Variants in SNX29 observed in about 807,000 individuals in gnomAD.
SNX29 encodes the protein sorting nexin 29, also known as sorting nexin-29.
Under a neutral mutation model 102.1 loss-of-function variants are expected in SNX29, and 78 were observed. The observed-to-expected ratio is 0.76, with a 90% CI of 0.64 to 0.92. The LOEUF (loss-of-function observed/expected upper bound fraction) is 0.92, where lower values mean the gene tolerates loss of function less well. Among genes scored for constraint, SNX29 ranks in the 40% least tolerant of loss-of-function variants. The pLI is 0.00. For synonymous variants in SNX29, 580 were observed against 414.5 expected, an observed-to-expected ratio of 1.40 and a Z score of -4.85; for missense variants, 1,280 against 1,061.7, an observed-to-expected ratio of 1.21 and a Z score of -2.86.
intron 8 of SNX29, chr16:12,053,124 C>T (rs764888007): frequency 1.3e-5 from 2 of 151,958 alleles, no homozygotes; most frequent in Non-Finnish European, 2.9e-5. Context: ...AACCCCTTCT[C>T]TACGTATAAA....
chr16:12,447,811 A>G (rs919402712), intron 18 of SNX29, among the ~76,000 whole-genome samples: 6 of 152,148 alleles, frequency 3.9e-5, no homozygotes, highest in Non-Finnish European at 8.8e-5. Flanking sequence ...GAACAGCCCC[A>G]CCACTCAGAG....
chr16:11,979,396 T>C (rs1402092165), intron 1 of SNX29, among the ~76,000 whole-genome samples: 1 of 151,892 alleles, frequency 6.6e-6, no homozygotes, highest in Non-Finnish European at 1.5e-5. Context: ...ACATTGTAAT[T>C]GAGGCAGAAA....
At chr16:12,247,375 T>C (rs1362652432) in intron 14 of SNX29, among the ~76,000 whole-genome samples, 1 of 152,240 alleles carries the variant, frequency 6.6e-6, no homozygotes, top group Non-Finnish European at 1.5e-5. Flanking sequence ...CCTTTCTTCC[T>C]TTACTTAATT....
chr16:12,553,203 C>T (rs1259190609), intron 20 of SNX29, among the ~76,000 whole-genome samples: 2 of 152,096 alleles, frequency 1.3e-5, no homozygotes, highest in Non-Finnish European at 2.9e-5. Flanking sequence ...CAGTTATTTC[C>T]AGTAGCCATG....
At chr16:12,104,472 C>G (rs1175436480) in intron 11 of SNX29, among the ~76,000 whole-genome samples, 2 of 152,098 alleles carry the variant, frequency 1.3e-5, no homozygotes, top group Non-Finnish European at 2.9e-5. Context: ...AGGAGAATCT[C>G]TTGAACCCGG....
At chr16:12,477,603 G>A (rs976474367) in intron 18 of SNX29, 116 bp from the exon 19 acceptor site, 36 of 1,220,370 alleles carry the variant, frequency 2.9e-5, no homozygotes, top group Admixed American at 9.6e-5. Flanking sequence ...ATCCAGTGGT[G>A]TGTGACACAG....
At chr16:12,211,352 A>G (rs1318149007) in intron 14 of SNX29, among the ~76,000 whole-genome samples, 2 of 152,230 alleles carry the variant, frequency 1.3e-5, no homozygotes, top group South Asian at 2.1e-4. Flanking sequence ...CCTGGCTGAC[A>G]GATAACAGAA....
chr16:11,998,574 G>C, intron 1 of SNX29, among the ~76,000 whole-genome samples: 1 of 152,110 alleles, frequency 6.6e-6, no homozygotes, highest in East Asian at 1.9e-4. Context: ...TTTCTCTCAG[G>C]CTCATGACTT....
chr16:12,247,862 A>G (rs1373240463), intron 14 of SNX29, among the ~76,000 whole-genome samples: 2 of 152,226 alleles, frequency 1.3e-5, no homozygotes, highest in African/African-American at 2.4e-5. Flanking sequence ...GCAGTTGTAC[A>G]AGAGTGACAG....
intron 16 of SNX29, among the ~76,000 whole-genome samples, chr16:12,397,553 C>T (rs1428776649): frequency 2.6e-5 from 4 of 152,198 alleles, no homozygotes; most frequent in Non-Finnish European, 5.9e-5. Context: ...CACTACCCCT[C>T]ACCCTTCTCT....
intron 20 of SNX29, among the ~76,000 whole-genome samples, chr16:12,551,206 A>G (rs2077955505): frequency 6.6e-6 from 1 of 150,968 alleles, no homozygotes; most frequent in Non-Finnish European, 1.5e-5. Context: ...CTTTAGGAAC[A>G]CACTGCACTC....
rs143056102 is a variant in SNX29 at position 12,139,087 on chromosome 16, A to G, written c.1595+9329A>G. 1.2e-3 allele frequency among the ~76,000 whole-genome samples: 177 copies of G among 151,394 alleles called. 2 individuals are homozygous for G. The Middle Eastern group carries it at 0.014, about 12-fold the overall frequency. On this transcript the variant is annotated intron_variant, in intron 13 of 20. Coordinates refer to ENST00000566228, the MANE Select transcript of SNX29 (RefSeq NM_032167.5). ...TGTTGTGGTGTGTACCTGTAATCCCAGCTACTCCAGAAGAATAAGAGAATC... is the reference window on the plus strand; with the variant it reads ...TGTTGTGGTGTGTACCTGTAATCCCGGCTACTCCAGAAGAATAAGAGAATC...
intron 8 of SNX29, among the ~76,000 whole-genome samples, chr16:12,055,079 A>G (rs1596713887): frequency 1.3e-5 from 2 of 152,190 alleles, no homozygotes; most frequent in Non-Finnish European, 2.9e-5. Context: ...AGGGCTTTCT[A>G]GAGAAACAGA....
intron 19 of SNX29, among the ~76,000 whole-genome samples, chr16:12,518,714 A>C (rs997226148): frequency 2.0e-5 from 3 of 152,098 alleles, no homozygotes; most frequent in African/African-American, 4.8e-5. Flanking sequence ...GATCATCAGC[A>C]CCTGTCACAG....
intron 13 of SNX29, among the ~76,000 whole-genome samples, chr16:12,164,400 A>G (rs1334259184): frequency 6.6e-6 from 1 of 152,208 alleles, no homozygotes; most frequent in African/African-American, 2.4e-5. Flanking sequence ...AAGGATTTAT[A>G]AGATGTACTT....
intron 20 of SNX29, among the ~76,000 whole-genome samples, chr16:12,551,260 G>A (rs970504344): frequency 6.6e-6 from 1 of 152,130 alleles, no homozygotes; most frequent in Non-Finnish European, 1.5e-5. Context: ...CACTGCTCCG[G>A]AGGTTCAGAC....
intron 14 of SNX29, among the ~76,000 whole-genome samples, chr16:12,240,343 ACC>A: frequency 6.6e-6 from 1 of 152,146 alleles, no homozygotes; most frequent in African/African-American, 2.4e-5. Context: ...GTCAGGCCTC[ACC>A]CTCCTTGGTA....
intron 13 of SNX29, among the ~76,000 whole-genome samples, chr16:12,138,712 T>C (rs2054754007): frequency 6.6e-6 from 1 of 152,254 alleles, no homozygotes; most frequent in Admixed American, 6.5e-5. Context: ...AGCCTGTGTT[T>C]ATGGATGAGA....
chr16:12,303,894 G>A (rs925979959), intron 15 of SNX29, among the ~76,000 whole-genome samples: 1 of 152,086 alleles, frequency 6.6e-6, no homozygotes, highest in Non-Finnish European at 1.5e-5. Context: ...ACAGTACTTA[G>A]CTGTACTCTC....
Sources: gnomAD v4.1 joint callset for allele counts (sites outside exome capture counted in the v4.1 genomes callset) on GRCh38, gnomAD v4.1.1 for gene constraint, MANE v1.5 for transcripts, NCBI Gene and HGNC (gene_info 2026-07-23, HGNC 2026-07-21) for gene names.